The following MBOAT2 variants were observed in gnomAD, a reference collection of about 807,000 sequenced individuals.
MBOAT2 encodes membrane bound glycerophospholipid O-acyltransferase 2, also known as membrane-bound glycerophospholipid O-acyltransferase 2.
A neutral mutation model predicts 63.4 loss-of-function variants in MBOAT2; 28 were observed. The ratio of observed to expected loss-of-function variants is 0.44; its 90% CI spans 0.33 to 0.61. MBOAT2 has a LOEUF of 0.61. MBOAT2 is among the 20% of genes least tolerant of loss of function. The pLI, the probability that MBOAT2 is intolerant of heterozygous loss-of-function variation, is 0.03. For synonymous variants in MBOAT2, 211 were observed against 215.6 expected (o/e 0.98, Z 0.19); for missense variants, 470 against 605.8 (o/e 0.78, Z 2.35).
intron 5 of MBOAT2, among the ~76,000 whole-genome samples, chr2:8,887,191 A>G (rs993571456): frequency 5.9e-5 from 9 of 152,176 alleles, no homozygotes; most frequent in African/African-American, 2.2e-4. Context: ...TGAAGGGCAG[A>G]AAGATAGTTG....
intron 1 of MBOAT2, among the ~76,000 whole-genome samples, chr2:8,981,565 G>C (rs1383209939): frequency 6.6e-6 from 1 of 152,080 alleles, no homozygotes; most frequent in African/African-American, 2.4e-5. Flanking sequence ...TCCCTTCCCA[G>C]GATCACAAGT....
intron 5 of MBOAT2, among the ~76,000 whole-genome samples, chr2:8,883,415 T>A (rs773689716): frequency 6.6e-6 from 1 of 152,182 alleles, no homozygotes; most frequent in Non-Finnish European, 1.5e-5. Context: ...ATTACAAGTA[T>A]GCAGAAATTT....
chr2:8,876,964 T>G, intron 7 of MBOAT2, 66 bp downstream of exon 7: 1 of 1,410,812 alleles, frequency 7.1e-7, no homozygotes, highest in South Asian at 1.5e-5. Flanking sequence ...GTGAAAATAT[T>G]TGTATCTTTA....
At position 8,942,202 on chromosome 2, in the gene MBOAT2, G is replaced by A. The variant is rs145364957; in HGVS notation, c.299+985C>T. ...CAGTACACATTACAACAGAGGTAGCGACTGACAGTGCCAAATACGGAAAAT... is the reference window on the plus strand; with the variant it reads ...CAGTACACATTACAACAGAGGTAGCAACTGACAGTGCCAAATACGGAAAAT... On this transcript the variant is annotated intron_variant, in intron 3 of 12. Coordinates refer to ENST00000305997, the MANE Select transcript of MBOAT2 (RefSeq NM_138799.4). Among the ~76,000 whole-genome samples the A allele has an allele frequency of 3.5e-3, 527 of 152,272 alleles. 5 individuals carry two copies. Among genetic ancestry groups the A allele is most frequent in the African/African-American group, 0.012 (504 of 41,548 alleles).
At chr2:8,884,940 AG>A (rs1663440042) in intron 5 of MBOAT2, among the ~76,000 whole-genome samples, 1 of 152,188 alleles carries the variant, frequency 6.6e-6, no homozygotes, top group African/African-American at 2.4e-5. Flanking sequence ...AGTCCAAGTG[AG>A]GCAGTGCAGC....
At chr2:8,892,547 C>G (rs1572979169) in intron 4 of MBOAT2, among the ~76,000 whole-genome samples, 1 of 152,182 alleles carries the variant, frequency 6.6e-6, no homozygotes, top group South Asian at 2.1e-4. Context: ...GTGAACAAGA[C>G]AGGCCAAGTC....
chr2:9,002,613 GC>G (rs1672779037), intron 1 of MBOAT2, among the ~76,000 whole-genome samples: 1 of 115,826 alleles, frequency 8.6e-6, no homozygotes, highest in African/African-American at 3.4e-5. Flanking sequence ...ATACACCCCC[GC>G]CCCCCAGCCC....
rs1458500343 is a variant in MBOAT2 at position 8,855,083 on chromosome 2, C to T, written c.*3596G>A. The T allele has an allele frequency of 1.3e-5, 2 of 152,180 alleles. No homozygotes were observed. The highest frequency in any genetic ancestry group is 2.9e-5 in the Non-Finnish European group (2 of 68,032). 9.4% of individuals were successfully genotyped at this position (152,180 alleles called of 1,614,324 possible). ...TATTGCCAGTAGAAAAAGTATGTTGCCATGCCTTCTGATTTAAGGGATTCA... is the reference window on the plus strand; with the variant it reads ...TATTGCCAGTAGAAAAAGTATGTTGTCATGCCTTCTGATTTAAGGGATTCA... On this transcript the variant is annotated 3_prime_UTR_variant, in exon 13 of 13. Transcript: ENST00000305997.
At chr2:8,866,900 T>C (rs1014961475) in intron 9 of MBOAT2, among the ~76,000 whole-genome samples, 2 of 152,246 alleles carry the variant, frequency 1.3e-5, no homozygotes, top group Non-Finnish European at 1.5e-5. Context: ...GCATTTCTTA[T>C]GGCATCCCGT....
chr2:8,901,611 T>C (rs939656161), intron 4 of MBOAT2, among the ~76,000 whole-genome samples: 1 of 152,098 alleles, frequency 6.6e-6, no homozygotes, highest in African/African-American at 2.4e-5. Context: ...CTTATATGAA[T>C]AGGAAGGATA....
At chr2:8,955,228 T>G (rs1342127377) in intron 2 of MBOAT2, among the ~76,000 whole-genome samples, 1 of 152,224 alleles carries the variant, frequency 6.6e-6, no homozygotes, top group African/African-American at 2.4e-5. Context: ...TGTCCTGTTC[T>G]CCATCCCAGG....
intron 3 of MBOAT2, among the ~76,000 whole-genome samples, chr2:8,915,416 T>A (rs1273805767): frequency 6.6e-6 from 1 of 152,158 alleles, no homozygotes; most frequent in Non-Finnish European, 1.5e-5. Context: ...ACCCATGAGG[T>A]AATCAGCTGA....
intron 3 of MBOAT2, among the ~76,000 whole-genome samples, chr2:8,922,125 T>G (rs2148610573): frequency 6.6e-6 from 1 of 152,340 alleles, no homozygotes; most frequent in Middle Eastern, 3.4e-3. Context: ...TTAAGTTCAC[T>G]GATGCTTTGG....
intron 4 of MBOAT2, among the ~76,000 whole-genome samples, chr2:8,889,247 G>A (rs976051690): frequency 4.6e-5 from 7 of 152,184 alleles, no homozygotes; most frequent in Non-Finnish European, 7.3e-5. Context: ...GCTGCCTCTC[G>A]CAAACAGAGG....
At chr2:8,985,998 C>A (rs1347113162) in intron 1 of MBOAT2, among the ~76,000 whole-genome samples, 4 of 152,150 alleles carry the variant, frequency 2.6e-5, no homozygotes, top group African/African-American at 9.7e-5. Context: ...GACACTGCCT[C>A]AGCCAGGTGA....
At chr2:8,968,076 GCCT>G (rs1670133142) in intron 1 of MBOAT2, among the ~76,000 whole-genome samples, 1 of 152,052 alleles carries the variant, frequency 6.6e-6, no homozygotes, top group African/African-American at 2.4e-5. Context: ...CAGACAGACT[GCCT>G]CCTCAAGTGG....
chr2:9,003,240 G>A lies in MBOAT2; in HGVS notation c.75+300C>T, dbSNP rs985911066. ...GAGCGCCGCTGCCGCGAAGGGCAGG[G>A]ACCGCATGCACACCCGCACGCCCAT... On this transcript the variant is annotated intron_variant, in intron 1 of 12. Transcript: ENST00000305997. The surrounding 1 kb of genome is among the most constrained non-coding windows in gnomAD (Gnocchi z 5.4). 1.3e-5 allele frequency among the ~76,000 whole-genome samples: 2 copies of A among 152,160 alleles called. No homozygotes were observed. Among genetic ancestry groups the A allele is most frequent in the Non-Finnish European group, 2.9e-5 (2 of 68,026 alleles).
chr2:8,898,868 T>G (rs1054854989), intron 4 of MBOAT2, among the ~76,000 whole-genome samples: 1 of 152,222 alleles, frequency 6.6e-6, no homozygotes, highest in Non-Finnish European at 1.5e-5. Flanking sequence ...TTATAGGGGT[T>G]GGGTACAACT....
chr2:8,929,671 GAGGCA>G (rs1667183553), intron 3 of MBOAT2, among the ~76,000 whole-genome samples: 1 of 152,178 alleles, frequency 6.6e-6, no homozygotes, highest in African/African-American at 2.4e-5. Flanking sequence ...CATTTTATAG[GAGGCA>G]TCAAACATAT....
Sources: allele counts gnomAD v4.1 joint callset (sites outside exome capture counted in the v4.1 genomes callset), GRCh38; gene constraint gnomAD v4.1.1; non-coding constraint Gnocchi (gnomAD v3.1); transcripts MANE v1.5; gene names NCBI Gene and HGNC (gene_info 2026-07-23, HGNC 2026-07-21).